Variants in ANK2 observed in about 807,000 individuals in gnomAD.
ANK2 encodes the protein ankyrin 2.
A neutral mutation model predicts 360.5 loss-of-function variants in ANK2; 83 were observed. That is an observed-to-expected ratio of 0.23 (90% CI 0.19 to 0.28). The LOEUF is 0.28. ANK2 is among the 10% of genes least tolerant of loss of function. The probability of loss-of-function intolerance (pLI) is 1.00; values close to 1 mark genes in which losing one functional copy is unlikely to be tolerated. For synonymous variants in ANK2, 1,740 were observed against 1,759.5 expected (o/e 0.99, Z 0.28); for missense variants, 4,201 against 4,795.7 (o/e 0.88, Z 3.66).
the ANK2 span, among the ~76,000 whole-genome samples, chr4:112,763,681 G>A: frequency 6.6e-6 from 1 of 151,172 alleles, no homozygotes; most frequent in African/African-American, 2.4e-5. Flanking sequence ...ACAGGCGCCC[G>A]CCACGGGGCC....
intron 1 of ANK2, among the ~76,000 whole-genome samples, chr4:112,832,405 A>G (rs1386287643): frequency 1.3e-5 from 2 of 152,208 alleles, no homozygotes; most frequent in Admixed American, 1.3e-4. Context: ...CCCTGAACCT[A>G]AAATAAAATT....
intron 2 of ANK2, among the ~76,000 whole-genome samples, chr4:112,912,373 A>G (rs1158597446): frequency 6.6e-6 from 1 of 152,096 alleles, no homozygotes; most frequent in African/African-American, 2.4e-5. Flanking sequence ...CCCTGATAAA[A>G]CATATTACTT....
rs35728190 is a variant in ANK2 at position 113,363,489 on chromosome 4, C to T, written c.10888+20C>T. On this transcript the variant is annotated intron_variant, in intron 40 of 45. Transcript: ENST00000357077. ...CTACAGGTAAGTGGGGAACTATATGCATATTGGGCTAAAGTTGGACATGTC... is the reference window on the plus strand; with the variant it reads ...CTACAGGTAAGTGGGGAACTATATGTATATTGGGCTAAAGTTGGACATGTC... 0.1 allele frequency: 166,609 copies of T among 1,612,242 alleles called. 9,285 individuals carry two copies. The highest frequency in any genetic ancestry group is 0.16 in the Middle Eastern group (980 of 6,050).
Position 113,341,764 on chromosome 4 carries a change from G to A in ANK2, c.3970G>A (p.Val1324Ile), listed in dbSNP as rs1261943601. ...ASQVYREIIC[V>I]PYMAKFVVFA... ...ACAAGTATACAGAGAAATTATCTGC[G>A]TACCTTATATGGCCAAATTTGTAGT... is the stretch of plus-strand genomic sequence containing the variant. Residue 1324 changes from valine to isoleucine, a missense_variant, in exon 33 of 46, where the codon GTA (valine) becomes ATA (isoleucine). Val to Ile is a conservative substitution (Grantham distance 29). Coordinates refer to ENST00000357077, the MANE Select transcript of ANK2 (RefSeq NM_001148.6). The A allele has an allele frequency of 1.2e-5, 19 of 1,613,942 alleles. No homozygotes were observed. The highest frequency in any genetic ancestry group is 1.6e-4 in the Middle Eastern group (1 of 6,084).
chr4:113,035,877 A>T (rs2061479612), intron 2 of ANK2, among the ~76,000 whole-genome samples: 1 of 151,974 alleles, frequency 6.6e-6, no homozygotes, highest in Admixed American at 6.6e-5. Context: ...GGGAAAAGTT[A>T]ATAGACGTTC....
chr4:113,323,236 G>A (rs944599571), intron 26 of ANK2, among the ~76,000 whole-genome samples: 6 of 151,908 alleles, frequency 3.9e-5, no homozygotes, highest in African/African-American at 9.7e-5. Context: ...TTTTTTTTGC[G>A]ATACTCTAGT....
At chr4:113,220,476 T>A (rs2099137587) in intron 4 of ANK2, among the ~76,000 whole-genome samples, 1 of 152,210 alleles carries the variant, frequency 6.6e-6, no homozygotes, top group Non-Finnish European at 1.5e-5. Flanking sequence ...TTTAAAAAGT[T>A]GTATGTTTTG....
intron 4 of ANK2, among the ~76,000 whole-genome samples, chr4:113,222,080 A>C (rs2099158106): frequency 6.6e-6 from 1 of 152,202 alleles, no homozygotes; most frequent in South Asian, 2.1e-4. Context: ...GTGAATGCTA[A>C]TTTCCTTGAG....
chr4:113,066,164 G>A (rs2154337482), intron 1 of ANK2, among the ~76,000 whole-genome samples: 1 of 152,238 alleles, frequency 6.6e-6, no homozygotes, highest in East Asian at 1.9e-4. Flanking sequence ...TTTCTACCTT[G>A]ATTCAAGTAC....
chr4:113,283,263 G>A (rs1423487519), intron 18 of ANK2, among the ~76,000 whole-genome samples: 2 of 152,166 alleles, frequency 1.3e-5, no homozygotes, highest in Non-Finnish European at 2.9e-5. Flanking sequence ...GAGAAAGAAT[G>A]CTTCCATCTG....
chr4:113,381,779 C>T lies in ANK2; in HGVS notation c.*308C>T, dbSNP rs2154092167. On this transcript the variant is annotated 3_prime_UTR_variant, in exon 46 of 46. Coordinates refer to ENST00000357077, the MANE Select transcript of ANK2 (RefSeq NM_001148.6). ...CTGTTAGCAAATATACGGCATTTTGCTTTAGTTTTCCCCCATCCTCTTTAA... is the reference window on the plus strand; with the variant it reads ...CTGTTAGCAAATATACGGCATTTTGTTTTAGTTTTCCCCCATCCTCTTTAA... 1.1e-6 allele frequency: 1 copy of T among 898,562 alleles called. No homozygotes were observed. The highest frequency in any genetic ancestry group is 1.6e-5 in the South Asian group (1 of 60,652). 55.7% of individuals were successfully genotyped at this position (898,562 alleles called of 1,614,324 possible).
rs141212932 is a variant in ANK2 at position 113,354,188 on chromosome 4, T to A, written c.5570T>A (p.Val1857Glu). The A allele has an allele frequency of 1.0e-4, 164 of 1,613,914 alleles. No individual in the cohort carries two copies. Among genetic ancestry groups the A allele is most frequent in the Middle Eastern group, 4.9e-4 (3 of 6,078 alleles). ...AGTAAAACTGAGAAACACTCACCTGTGTCACCCTCTGCAAAAACGGAAAGA... is the reference window on the plus strand; with the variant it reads ...AGTAAAACTGAGAAACACTCACCTGAGTCACCCTCTGCAAAAACGGAAAGA... Reference protein sequence around the residue: ...PSSKTEKHSPVSPSAKTERHS... With the variant: ...PSSKTEKHSPESPSAKTERHS... Residue 1857 changes from valine (V) to glutamate (E), a missense_variant, in exon 38 of 46, where the codon GTG (valine) becomes GAG (glutamate). This residue lies in a region of ANK2 where 2,642 missense variants were observed against 2,714.5 expected (regional missense o/e 0.97). Transcript: ENST00000357077.
Position 112,858,826 on chromosome 4 carries a change from T to G in ANK2, c.-40+40562T>G, listed in dbSNP as rs141654548. On this transcript the variant is annotated intron_variant, in intron 1 of 30. Transcript: ENST00000503271. Reference sequence around the variant, plus strand: ...CCTTTTGCCCAGGCTATTTGACCATTCAACAACTGTTGGATTTGTTTGAAA... The same window carrying G: ...CCTTTTGCCCAGGCTATTTGACCATGCAACAACTGTTGGATTTGTTTGAAA... Among the ~76,000 whole-genome samples the G allele has an allele frequency of 7.9e-5, 12 of 152,342 alleles. No homozygotes were observed. In the East Asian group the frequency reaches 2.3e-3, roughly 29 times the overall value.
chr4:113,340,708 C>CA (rs1447461444), intron 32 of ANK2, among the ~76,000 whole-genome samples: 1 of 141,070 alleles, frequency 7.1e-6, no homozygotes, highest in Non-Finnish European at 1.5e-5. Flanking sequence ...CAAAACAAAG[C>CA]AAAAAACAAA....
At position 113,361,553 on chromosome 4, in the gene ANK2, A is replaced by G. The variant is rs571892167; in HGVS notation, c.10756+656A>G. Reference sequence around the variant, plus strand: ...CAGTCTGGCTTTTTTTTTTTTTTTAATATCACTTGTGACTACTTCAAAGAG... The same window carrying G: ...CAGTCTGGCTTTTTTTTTTTTTTTAGTATCACTTGTGACTACTTCAAAGAG... On this transcript the variant is annotated intron_variant, in intron 39 of 45. Transcript: ENST00000357077. Among the ~76,000 whole-genome samples the G allele has an allele frequency of 5.4e-3, 795 of 148,276 alleles. 9 individuals carry two copies. Among genetic ancestry groups the G allele is most frequent in the African/African-American group, 0.018 (748 of 40,450 alleles).
chr4:112,896,701 G>C (rs1017239077), intron 1 of ANK2, among the ~76,000 whole-genome samples: 5 of 152,150 alleles, frequency 3.3e-5, no homozygotes, highest in African/African-American at 1.2e-4. Flanking sequence ...GGCTGGTTTG[G>C]ATAAACACTG....
chr4:113,357,761 T>A lies in ANK2; in HGVS notation c.9143T>A (p.Ile3048Asn). Residue 3048 changes from isoleucine to asparagine, a missense_variant, in exon 38 of 46, where the codon ATT (isoleucine) becomes AAT (asparagine). Physicochemically the swap from Ile to Asn is moderately radical, Grantham distance 149. Coordinates refer to ENST00000357077, the MANE Select transcript of ANK2 (RefSeq NM_001148.6). ...TDVDSDSWSE[I>N]REDDEAFEAR... Reference sequence around the variant, plus strand: ...GTGGATTCTGATTCTTGGAGTGAAATTCGGGAAGACGATGAAGCCTTTGAG... The same window carrying A: ...GTGGATTCTGATTCTTGGAGTGAAAATCGGGAAGACGATGAAGCCTTTGAG... The A allele has an allele frequency of 6.2e-7, 1 of 1,614,030 alleles. No individual in the cohort carries two copies. Among genetic ancestry groups the A allele is most frequent in the Non-Finnish European group, 8.5e-7 (1 of 1,179,956 alleles).
At position 113,210,155 on chromosome 4, in the gene ANK2, A is replaced by G. The variant is rs1239444831; in HGVS notation, c.384+11046A>G. Among the ~76,000 whole-genome samples, 8 of 152,296 alleles carry G rather than the reference A, an allele frequency of 5.3e-5. No individual in the cohort carries two copies. In the East Asian group the frequency reaches 1.5e-3, roughly 29 times the overall value. ...TTCTCAGGGTTAGCTACATGCCTGG[A>G]ATTCCCCTTGAAGGAACTCAAGATT... is the stretch of plus-strand genomic sequence containing the variant. On this transcript the variant is annotated intron_variant, in intron 4 of 45. Coordinates refer to ENST00000357077, the MANE Select transcript of ANK2 (RefSeq NM_001148.6).
At chr4:113,285,574 G>T (rs1054486104) in intron 18 of ANK2, among the ~76,000 whole-genome samples, 1 of 152,182 alleles carries the variant, frequency 6.6e-6, no homozygotes, top group Non-Finnish European at 1.5e-5. Flanking sequence ...ATAGGGCAAG[G>T]TATGAGGGAA....
Sources: gnomAD v4.1 joint callset for allele counts (sites outside exome capture counted in the v4.1 genomes callset) on GRCh38, gnomAD v4.1.1 for gene constraint, gnomAD v4.1.1 regional missense constraint, MANE v1.5 for transcripts, NCBI Gene and HGNC (gene_info 2026-07-23, HGNC 2026-07-21) for gene names.